The following ACBD5 variants were observed in gnomAD, a reference collection of about 807,000 sequenced individuals.
ACBD5 encodes the protein acyl-CoA-binding domain-containing protein 5.
A neutral mutation model predicts 71.8 loss-of-function variants in ACBD5; 40 were observed. The ratio of observed to expected loss-of-function variants is 0.56; its 90% confidence interval spans 0.43 to 0.72. The LOEUF (loss-of-function observed/expected upper bound fraction) is 0.72, where lower values mean the gene tolerates loss of function less well. Among genes scored for constraint, ACBD5 ranks in the 30% least tolerant of loss-of-function variants. The pLI is 0.00. For missense variants in ACBD5, 559 were observed against 644.5 expected (o/e 0.87, Z 1.44); for synonymous variants, 229 against 218.6 (o/e 1.05, Z -0.42).
upstream of ACBD5, chr10:27,240,997 C>G (rs1051821421): frequency 1.1e-5 from 6 of 551,580 alleles, no homozygotes; most frequent in Middle Eastern, 4.8e-4. The surrounding 1 kb of genome is among the most constrained non-coding windows in gnomAD (Gnocchi z 4.1). Flanking sequence ...GTGCGGGGAG[C>G]ACACTGTGCG....
At chr10:27,183,835 C>G (rs985360971) in intron 13 of ACBD5, among the ~76,000 whole-genome samples, 13 of 152,048 alleles carry the variant, frequency 8.5e-5, no homozygotes, top group Non-Finnish European at 1.8e-4. Flanking sequence ...CCTCAGCCTC[C>G]CAAGTAGCTG....
At position 27,233,404 on chromosome 10, in the gene ACBD5, C is replaced by T. The variant is rs529191428; in HGVS notation, c.303-1584G>A. Among the ~76,000 whole-genome samples the T allele has an allele frequency of 7.0e-4, 98 of 140,172 alleles. 1 individual carries two copies. Among genetic ancestry groups the T allele is most frequent in the Middle Eastern group, 3.8e-3 (1 of 266 alleles). 92.0% of individuals were successfully genotyped at this position (140,172 alleles called of 152,430 possible). A position where few individuals can be genotyped will look rare whatever the true frequency, so the allele number is the denominator to read the frequency against. On this transcript the variant is annotated intron_variant, in intron 3 of 12. Coordinates refer to ENST00000396271, the MANE Select transcript of ACBD5 (RefSeq NM_145698.5). ...TCGCGCCACTGCACTCCAGCCTGGG[C>T]GACAGAGTGAGACTCCGTCTGAAGA...
At chr10:27,231,470 T>C (rs974539055) in intron 4 of ACBD5, among the ~76,000 whole-genome samples, 4 of 152,224 alleles carry the variant, frequency 2.6e-5, no homozygotes, top group African/African-American at 9.6e-5. Flanking sequence ...TGAGCCAATG[T>C]CATGCCACTG....
chr10:27,215,649 T>C lies in ACBD5; in HGVS notation c.830-8A>G, dbSNP rs940563214. On this transcript the variant is annotated splice_region_variant and splice_polypyrimidine_tract_variant and intron_variant, in intron 7 of 12. Coordinates refer to ENST00000396271, the MANE Select transcript of ACBD5 (RefSeq NM_145698.5). ...CATGATCATCATTTATATCTAAATA[T>C]GAACAAAAGTGCAGATAGGGTAATT... The C allele has an allele frequency of 3.2e-6, 5 of 1,579,958 alleles. No homozygotes were observed. Among genetic ancestry groups the C allele is most frequent in the Non-Finnish European group, 4.3e-6 (5 of 1,150,296 alleles).
intron 11 of ACBD5, 86 bp downstream of exon 11, chr10:27,205,112 G>A: frequency 7.5e-7 from 1 of 1,338,488 alleles, no homozygotes; most frequent in Non-Finnish European, 1.0e-6. Context: ...GGGCAACAGA[G>A]CGAGACTCCG....
chr10:27,207,906 TGTATTTTTA>T (rs1192020551), intron 10 of ACBD5, among the ~76,000 whole-genome samples: 1 of 152,066 alleles, frequency 6.6e-6, no homozygotes, highest in Non-Finnish European at 1.5e-5. Flanking sequence ...GCCTAACTTT[TGTATTTTTA>T]GTAGAGACAG....
In ACBD5 at chr10:27,235,074, C is replaced by G; in HGVS notation, c.302+18G>C. ...CATTAAAATTTAAATTCTTGCATAG[C>G]TCTACACAAAAAATTACCATTTATA... On this transcript the variant is annotated intron_variant, in intron 3 of 12. Transcript: ENST00000396271. The G allele has an allele frequency of 6.2e-7, 1 of 1,612,132 alleles. No homozygotes were observed.
upstream of ACBD5, among the ~76,000 whole-genome samples, chr10:27,241,167 C>A (rs2065457740): frequency 6.6e-6 from 1 of 152,188 alleles, no homozygotes; most frequent in Non-Finnish European, 1.5e-5. Context: ...CTCTGCGGTC[C>A]CCAGCGCCTG....
At chr10:27,225,159 A>C (rs1482074857) in intron 4 of ACBD5, among the ~76,000 whole-genome samples, 1 of 151,102 alleles carries the variant, frequency 6.6e-6, no homozygotes, top group Non-Finnish European at 1.5e-5. Context: ...GCTCACTGCA[A>C]CTTCCACCTT....
rs145468551 is a variant in ACBD5, at chr10:27,203,686, C to T, written c.1565+754G>A. Among the ~76,000 whole-genome samples, 882 of 152,228 alleles carry T rather than the reference C, an allele frequency of 5.8e-3. 8 individuals carry two copies. The highest frequency in any genetic ancestry group is 0.018 in the African/African-American group (767 of 41,546). On this transcript the variant is annotated intron_variant, in intron 12 of 12. Coordinates refer to ENST00000396271, the MANE Select transcript of ACBD5 (RefSeq NM_145698.5). ...CCTGGGAGGCAGAGGTTGCAGTGAG[C>T]TGAGATCGTGCCACTGCACCCCAGC...
intron 9 of ACBD5, among the ~76,000 whole-genome samples, chr10:27,210,191 G>GT (rs1453780544): frequency 6.6e-6 from 1 of 152,174 alleles, no homozygotes; most frequent in African/African-American, 2.4e-5. Flanking sequence ...GGCAAGTTTT[G>GT]TTTTGAATAA....
rs1452827606 is a variant in ACBD5 at position 27,208,355 on chromosome 10, G to T, written c.1295C>A (p.Ser432Tyr). 6.2e-7 allele frequency: 1 copy of T among 1,614,140 alleles called. No homozygotes were observed. The change falls in exon 10 of 13, where the codon TCC (serine) becomes TAC (tyrosine). Residue 432 changes from serine (S) to tyrosine (Y), a missense_variant. Physicochemically the swap from Ser to Tyr is moderately radical, Grantham distance 144. Coordinates refer to ENST00000396271, the MANE Select transcript of ACBD5 (RefSeq NM_145698.5). ...DGERWGSDRGSRGSLNEQIAL... is the reference protein window; with the variant it reads ...DGERWGSDRGYRGSLNEQIAL... ...GATCTGCTCATTGAGGCTGCCTCGG[G>T]ACCCTCTGTCGGAGCCCCAGCGCTC...
intron 13 of ACBD5, among the ~76,000 whole-genome samples, chr10:27,189,482 AT>A (rs1367142065): frequency 1.3e-5 from 2 of 152,294 alleles, no homozygotes; most frequent in Admixed American, 1.3e-4. Flanking sequence ...CTCTATCTAA[AT>A]TTTTTAAAAA....
intron 13 of ACBD5, among the ~76,000 whole-genome samples, chr10:27,190,141 C>T (rs788211): frequency 0.16 from 23,767 of 151,948 alleles, 2,209 homozygotes; most frequent in Middle Eastern, 0.23. Context: ...AAAAATTAGC[C>T]AGGCATGATG....
chr10:27,239,723 T>A (rs1819351), intron 2 of ACBD5, among the ~76,000 whole-genome samples: 12,092 of 145,750 alleles, frequency 0.083, 1,578 homozygotes, highest in African/African-American at 0.28. Context: ...GCATTAGGCA[T>A]CCCCAGCCTA....
In ACBD5 at chr10:27,222,410, TAA is replaced by T. The variant is rs11322768; in HGVS notation, c.490+926_490+927del. On this transcript the variant is annotated intron_variant, in intron 5 of 12. Coordinates refer to ENST00000396271, the MANE Select transcript of ACBD5 (RefSeq NM_145698.5). ...CTTTGTGTACATGAAGACAAAATTC[TAA>T]AAAAAAAAAAAAAATAGAAGTTGTA... Among the ~76,000 whole-genome samples the T allele has an allele frequency of 2.0e-3, 282 of 140,342 alleles. 1 individual carries two copies. Among genetic ancestry groups the T allele is most frequent in the Middle Eastern group, 7.4e-3 (2 of 272 alleles). 92.1% of individuals were successfully genotyped at this position (140,342 alleles called of 152,430 possible). A position where few individuals can be genotyped will look rare whatever the true frequency, so the allele number is the denominator to read the frequency against.
chr10:27,219,794 C>T lies in ACBD5; in HGVS notation c.554G>A (p.Ser185Asn). ...TTCCTCAGACTCGGCTCCACTGTCACTGCTTTCAGCTTTACCATTAACGGT... is the reference window on the plus strand; with the variant it reads ...TTCCTCAGACTCGGCTCCACTGTCATTGCTTTCAGCTTTACCATTAACGGT... ...AKTVNGKAES[S>N]DSGAESEEEE... The change falls in exon 6 of 13, where the codon AGT becomes AAT. Residue 185 changes from serine to asparagine, a missense_variant. Ser to Asn is a conservative substitution (Grantham distance 46). Coordinates refer to ENST00000396271, the MANE Select transcript of ACBD5 (RefSeq NM_145698.5). The T allele has an allele frequency of 1.9e-6, 3 of 1,614,130 alleles. No homozygotes were observed. Among genetic ancestry groups the T allele is most frequent in the Non-Finnish European group, 2.5e-6 (3 of 1,180,012 alleles).
chr10:27,215,448 C>T (rs988957685), intron 8 of ACBD5, 87 bp downstream of exon 8: 10 of 826,578 alleles, frequency 1.2e-5, no homozygotes, highest in Middle Eastern at 2.4e-4. Flanking sequence ...TGAAAAATAG[C>T]ATGTATATTT....
At chr10:27,211,161 A>G in intron 8 of ACBD5, 80 bp from the exon 9 acceptor site, 1 of 1,377,016 alleles carries the variant, frequency 7.3e-7, no homozygotes, top group Non-Finnish European at 1.0e-6. Context: ...AATAGGAGAA[A>G]TACTGTTTTC....
Sources: gnomAD v4.1 joint callset for allele counts (sites outside exome capture counted in the v4.1 genomes callset) on GRCh38, gnomAD v4.1.1 for gene constraint, Gnocchi (gnomAD v3.1) non-coding constraint, MANE v1.5 for transcripts, NCBI Gene and HGNC (gene_info 2026-07-23, HGNC 2026-07-21) for gene names.